Variants in SORCS1 observed in about 807,000 individuals in gnomAD.
SORCS1 encodes VPS10 domain-containing receptor SorCS1.
A neutral mutation model predicts 146.1 loss-of-function variants in SORCS1; 60 were observed. That is an observed-to-expected ratio of 0.41 (90% CI 0.33 to 0.51). SORCS1 has a LOEUF of 0.51. Ranked by LOEUF, SORCS1 falls within the 20% of genes least tolerant of loss-of-function variation. SORCS1 has a pLI of 0.21. For missense variants in SORCS1, 1,352 were observed against 1,487.6 expected, an observed-to-expected ratio of 0.91 and a Z score of 1.50; for synonymous variants, 637 against 584.0, an observed-to-expected ratio of 1.09 and a Z score of -1.31.
intron 1 of SORCS1, among the ~76,000 whole-genome samples, chr10:106,999,215 G>A (rs1440523240): frequency 1.3e-5 from 2 of 151,868 alleles, no homozygotes; most frequent in Non-Finnish European, 2.9e-5. Flanking sequence ...CACATAAACT[G>A]GCAAATATGG....
At chr10:106,577,710 C>T (rs1035709949) in intron 25 of SORCS1, 155 bp from the exon 26 acceptor site, 21 of 1,390,346 alleles carry the variant, frequency 1.5e-5, no homozygotes, top group Middle Eastern at 5.2e-4. Flanking sequence ...TACGGAAATG[C>T]GACTGAGAAC....
chr10:106,673,561 G>T (rs772154657), intron 14 of SORCS1, among the ~76,000 whole-genome samples: 1 of 152,166 alleles, frequency 6.6e-6, no homozygotes, highest in Non-Finnish European at 1.5e-5. Context: ...TAATTCAAGA[G>T]CCCACTTGTA....
At chr10:106,682,674 C>G (rs957355245) in intron 10 of SORCS1, among the ~76,000 whole-genome samples, 1 of 152,204 alleles carries the variant, frequency 6.6e-6, no homozygotes, top group African/African-American at 2.4e-5. Flanking sequence ...GGGGGCACAT[C>G]ATAGGCCCCT....
chr10:107,069,855 A>G (rs1056525541), intron 1 of SORCS1, among the ~76,000 whole-genome samples: 2 of 152,228 alleles, frequency 1.3e-5, no homozygotes, highest in Admixed American at 6.5e-5. Context: ...AAATGTTACT[A>G]TGTAAAAGCA....
chr10:107,016,065 T>A (rs115414410), intron 1 of SORCS1, among the ~76,000 whole-genome samples: 2,260 of 152,212 alleles, frequency 0.015, 62 homozygotes, highest in African/African-American at 0.052. Context: ...TTTAAGAATG[T>A]CATAAATAAT....
At chr10:107,112,115 T>C (rs1222715454) in intron 1 of SORCS1, among the ~76,000 whole-genome samples, 1 of 152,030 alleles carries the variant, frequency 6.6e-6, no homozygotes, top group South Asian at 2.1e-4. Flanking sequence ...AATATTATAA[T>C]GGTGGCTTGC....
At chr10:106,851,154 G>C (rs961028531) in intron 2 of SORCS1, among the ~76,000 whole-genome samples, 1 of 152,136 alleles carries the variant, frequency 6.6e-6, no homozygotes, top group Non-Finnish European at 1.5e-5. Context: ...TCTGTGGCTT[G>C]TCTTCTCATT....
At chr10:106,837,481 T>C (rs1948834387) in intron 2 of SORCS1, among the ~76,000 whole-genome samples, 1 of 151,752 alleles carries the variant, frequency 6.6e-6, no homozygotes, top group Admixed American at 6.6e-5. Flanking sequence ...GATGATTGAA[T>C]AAAGACAGTA....
chr10:106,672,395 G>T (rs947126011), intron 15 of SORCS1, among the ~76,000 whole-genome samples: 3 of 152,136 alleles, frequency 2.0e-5, no homozygotes, highest in Non-Finnish European at 4.4e-5. Context: ...TACCTTGCAA[G>T]GAGGCAAAAA....
chr10:107,141,079 A>G (rs1383315245), intron 1 of SORCS1, among the ~76,000 whole-genome samples: 1 of 152,222 alleles, frequency 6.6e-6, no homozygotes, highest in African/African-American at 2.4e-5. Flanking sequence ...AAATGAGGAC[A>G]CTGGAGAAGA....
At chr10:106,590,820 A>G (rs1330378058) in intron 24 of SORCS1, among the ~76,000 whole-genome samples, 3 of 152,118 alleles carry the variant, frequency 2.0e-5, no homozygotes, top group African/African-American at 4.8e-5. Flanking sequence ...ATGCCTGGCT[A>G]ATTATTGTAC....
At chr10:106,919,729 A>C (rs1209556061) in intron 2 of SORCS1, among the ~76,000 whole-genome samples, 1 of 152,220 alleles carries the variant, frequency 6.6e-6, no homozygotes, top group Non-Finnish European at 1.5e-5. Flanking sequence ...AAAATGTATA[A>C]ATAAAGTCAC....
chr10:106,807,183 AAGGAAGGAAGG>A (rs938679449), intron 3 of SORCS1, among the ~76,000 whole-genome samples: 5 of 151,866 alleles, frequency 3.3e-5, no homozygotes, highest in African/African-American at 9.7e-5. Context: ...TTGAAGAAGG[AAGGAAGGAAGG>A]AGGAAGGAAG....
intron 8 of SORCS1, among the ~76,000 whole-genome samples, chr10:106,705,916 T>C (rs186124220): frequency 1.4e-4 from 22 of 152,286 alleles, no homozygotes; most frequent in African/African-American, 4.3e-4. Context: ...CTCAGAACTC[T>C]AAAGACAACC....
intron 1 of SORCS1, among the ~76,000 whole-genome samples, chr10:107,139,171 T>A (rs544130444): frequency 2.0e-5 from 3 of 152,202 alleles, no homozygotes; most frequent in Non-Finnish European, 4.4e-5. Context: ...GCTTAAATCT[T>A]CTGGATATTC....
intron 3 of SORCS1, among the ~76,000 whole-genome samples, chr10:106,782,223 A>T (rs1860949729): frequency 6.6e-6 from 1 of 152,214 alleles, no homozygotes; most frequent in Non-Finnish European, 1.5e-5. Flanking sequence ...CTGGTTTTCT[A>T]ATGAGGATCC....
intron 1 of SORCS1, among the ~76,000 whole-genome samples, chr10:107,038,772 A>G (rs1263535591): frequency 6.6e-6 from 1 of 152,020 alleles, no homozygotes; most frequent in African/African-American, 2.4e-5. Flanking sequence ...TCTGTCTTTT[A>G]ATCCCTGCTC....
At chr10:106,924,091 C>T (rs1329394285) in intron 2 of SORCS1, among the ~76,000 whole-genome samples, 2 of 152,074 alleles carry the variant, frequency 1.3e-5, no homozygotes, top group East Asian at 1.9e-4. Flanking sequence ...CCCATCTCTA[C>T]TAAAAATATA....
At chr10:106,723,694 CA>C (rs1855942006) in intron 6 of SORCS1, among the ~76,000 whole-genome samples, 1 of 152,170 alleles carries the variant, frequency 6.6e-6, no homozygotes, top group African/African-American at 2.4e-5. Context: ...CAGTGCCAAC[CA>C]TAGACTCTCA....
Sources: allele counts gnomAD v4.1 joint callset (sites outside exome capture counted in the v4.1 genomes callset), GRCh38; gene constraint gnomAD v4.1.1; transcripts MANE v1.5; gene names NCBI Gene and HGNC (gene_info 2026-07-23, HGNC 2026-07-21).